Variants in HK1 observed in about 807,000 individuals in gnomAD.
The protein encoded by HK1 is hexokinase-1.
Under a neutral mutation model 91.6 loss-of-function variants are expected in HK1, and 28 were observed. The observed-to-expected ratio is 0.31, with a 90% CI of 0.23 to 0.42. The LOEUF is 0.42. HK1 is among the 10% of genes least tolerant of loss of function. The pLI, the probability that HK1 is intolerant of heterozygous loss-of-function variation, is 1.00. For synonymous variants in HK1, 430 were observed against 468.1 expected, an observed-to-expected ratio of 0.92 and a Z score of 1.05; for missense variants, 770 against 1,219.8, an observed-to-expected ratio of 0.63 and a Z score of 5.49.
intron 7 of HK1, among the ~76,000 whole-genome samples, chr10:69,371,603 G>A (rs1379598348): frequency 6.6e-6 from 1 of 152,216 alleles, no homozygotes; most frequent in East Asian, 1.9e-4. Flanking sequence ...TTTCTTAGAA[G>A]TGCAGGTGGG....
At chr10:69,375,715 A>T (rs1839060943) in intron 7 of HK1, among the ~76,000 whole-genome samples, 1 of 152,072 alleles carries the variant, frequency 6.6e-6, no homozygotes, top group African/African-American at 2.4e-5. Flanking sequence ...GGCTGCTCTG[A>T]TGTGCGCCCA....
Position 69,382,472 on chromosome 10 carries a change from C to T in HK1, c.1266-15C>T, listed in dbSNP as rs1438932863. On this transcript the variant is annotated splice_polypyrimidine_tract_variant and intron_variant, in intron 9 of 17. Transcript: ENST00000359426. ...CAGTCCAGCTGTTGTGGAATGTCCC[C>T]CCTGCCCCCATAAGGTATTCCCGGC... 2.5e-6 allele frequency: 4 copies of T among 1,613,948 alleles called. No individual in the cohort carries two copies. Among genetic ancestry groups the T allele is most frequent in the Non-Finnish European group, 3.4e-6 (4 of 1,179,902 alleles).
intron 1 of HK1, among the ~76,000 whole-genome samples, chr10:69,273,351 G>A (rs1395693317): frequency 6.6e-6 from 1 of 152,132 alleles, no homozygotes; most frequent in Non-Finnish European, 1.5e-5. Flanking sequence ...AAGTAGCTGG[G>A]ACTACAGGCG....
At chr10:69,377,238 C>G (rs1473758496) in intron 8 of HK1, 149 bp downstream of exon 8, 1 of 889,348 alleles carries the variant, frequency 1.1e-6, no homozygotes, top group Non-Finnish European at 1.7e-6. Context: ...CTTAGTTGAC[C>G]CATTCTGGGC....
At chr10:69,390,006 C>CCAACAT (rs1300411696) in intron 14 of HK1, among the ~76,000 whole-genome samples, 2 of 152,196 alleles carry the variant, frequency 1.3e-5, no homozygotes, top group Non-Finnish European at 1.5e-5. Flanking sequence ...AGTTTCTTAG[C>CCAACAT]CAACATCTGC....
chr10:69,275,407 A>G (rs1564746244), intron 1 of HK1, among the ~76,000 whole-genome samples: 2 of 151,972 alleles, frequency 1.3e-5, no homozygotes, highest in Non-Finnish European at 2.9e-5. Context: ...AACAACTTAA[A>G]TTTGTACATT....
chr10:69,389,048 A>G, intron 13 of HK1, 149 bp from the exon 14 acceptor site: 1 of 699,890 alleles, frequency 1.4e-6, no homozygotes, highest in East Asian at 2.8e-5. Context: ...CTGTGAAGGA[A>G]CATTCATTAC....
In HK1 at chr10:69,273,075, G is replaced by C. The variant is rs530967313; in HGVS notation, c.-391+2967G>C. Among the ~76,000 whole-genome samples the C allele has an allele frequency of 2.1e-5, 3 of 145,952 alleles. No homozygotes were observed. In the South Asian group the frequency reaches 6.5e-4, roughly 31 times the overall value. ...AGATGGAGTCTCACTCTGTCAGCCA[G>C]GCTGGAGTGCAGTAGTGCAATCTCA... On this transcript the variant is annotated intron_variant, in intron 1 of 21. Coordinates refer to the HK1 transcript ENST00000360289.
chr10:69,300,564 A>C, intron 4 of HK1: 1 of 698,420 alleles, frequency 1.4e-6, no homozygotes, highest in Non-Finnish European at 2.6e-6. Flanking sequence ...GCATTTCTCT[A>C]GATCTTTGAG....
At chr10:69,376,839 G>T in intron 7 of HK1, 95 bp from the exon 8 acceptor site, 4 of 1,475,530 alleles carry the variant, frequency 2.7e-6, no homozygotes, top group Non-Finnish European at 3.8e-6. Context: ...GGTGAGGGGT[G>T]AGTCGGGGCT....
intron 3 of HK1, among the ~76,000 whole-genome samples, chr10:69,363,314 A>C (rs1184914346): frequency 1.3e-5 from 2 of 152,216 alleles, no homozygotes; most frequent in African/African-American, 2.4e-5. Context: ...CAGAGAGATA[A>C]AGAAGGGAGG....
intron 4 of HK1, chr10:69,300,758 T>C: frequency 1.3e-6 from 2 of 1,510,798 alleles, no homozygotes; most frequent in Non-Finnish European, 1.8e-6. Flanking sequence ...GGTGTTTGTC[T>C]CTCTTTTCAG....
chr10:69,301,585 AAAAAAAAAAAG>A, intron 5 of HK1, among the ~76,000 whole-genome samples: 1 of 151,230 alleles, frequency 6.6e-6, no homozygotes, highest in South Asian at 2.1e-4. Flanking sequence ...AAAAAAAAAA[AAAAAAAAAAAG>A]AAAAGAAAAC....
chr10:69,377,814 G>A (rs1839193920), intron 8 of HK1, among the ~76,000 whole-genome samples: 2 of 152,168 alleles, frequency 1.3e-5, no homozygotes, highest in Admixed American at 1.3e-4. Flanking sequence ...TTCTTTCAGA[G>A]GAAACCTGTT....
In HK1 at chr10:69,398,637, G is replaced by C. The variant is rs1339128719; in HGVS notation, c.2418G>C (p.Gln806His). 1.2e-6 allele frequency: 2 copies of C among 1,614,022 alleles called. No individual in the cohort carries two copies. The highest frequency in any genetic ancestry group is 1.7e-6 in the Non-Finnish European group (2 of 1,180,014). The change falls in exon 17 of 18, where the codon CAG becomes CAC. Residue 806 changes from glutamine to histidine, a missense_variant. Gln to His is a conservative substitution (Grantham distance 24). Transcript: ENST00000359426. ...ALLQVRAILQ[Q>H]LGLNSTCDDS... is the part of the protein sequence containing the mutation. ...TCCAGGTCCGGGCTATCCTCCAGCA[G>C]CTAGGTCTGAATAGCACCTGCGATG...
chr10:69,360,680 G>A (rs1467530087), intron 3 of HK1, among the ~76,000 whole-genome samples: 1 of 152,132 alleles, frequency 6.6e-6, no homozygotes, highest in Non-Finnish European at 1.5e-5. Flanking sequence ...CCAAGGGGCT[G>A]TGGGCATGCC....
At chr10:69,308,225 C>T (rs1025416179) in intron 5 of HK1, among the ~76,000 whole-genome samples, 2 of 151,944 alleles carry the variant, frequency 1.3e-5, no homozygotes, top group Non-Finnish European at 1.5e-5. Context: ...TCCACAGACC[C>T]GTGTGTGTGT....
At chr10:69,279,477 C>G (rs1206633968) in intron 1 of HK1, among the ~76,000 whole-genome samples, 1 of 152,124 alleles carries the variant, frequency 6.6e-6, no homozygotes, top group Non-Finnish European at 1.5e-5. Context: ...GACTGAGAGG[C>G]TGAACTGGGT....
intron 7 of HK1, among the ~76,000 whole-genome samples, chr10:69,375,525 C>T (rs1395789412): frequency 1.3e-5 from 2 of 152,152 alleles, no homozygotes; most frequent in Admixed American, 6.5e-5. Flanking sequence ...CTGTCAGGAG[C>T]AGGAACAATG....
Sources: allele counts gnomAD v4.1 joint callset (sites outside exome capture counted in the v4.1 genomes callset), GRCh38; gene constraint gnomAD v4.1.1; transcripts MANE v1.5; gene names NCBI Gene and HGNC (gene_info 2026-07-23, HGNC 2026-07-21).